CSMD1: variants seen among roughly 807,000 people sequenced by gnomAD.
The protein encoded by CSMD1 is CUB and sushi domain-containing protein 1.
In CSMD1, 213 loss-of-function variants were observed where a neutral mutation model predicts 417.5. The ratio of observed to expected loss-of-function variants is 0.51; its 90% CI spans 0.46 to 0.57. The LOEUF is 0.57. Ranked by LOEUF, CSMD1 falls within the 20% of genes least tolerant of loss-of-function variation. CSMD1 has a pLI of 0.00. For synonymous variants in CSMD1, 2,862 were observed against 1,736.8 expected, an observed-to-expected ratio of 1.65 and a Z score of -16.11; for missense variants, 6,923 against 4,529.7, an observed-to-expected ratio of 1.53 and a Z score of -15.17.
intron 7 of CSMD1, among the ~76,000 whole-genome samples, chr8:3,678,753 A>C (rs1192592267): frequency 2.0e-5 from 3 of 152,192 alleles, no homozygotes; most frequent in Admixed American, 6.5e-5. Context: ...ACCAAAGCTG[A>C]AATGAAGGAA....
intron 1 of CSMD1, among the ~76,000 whole-genome samples, chr8:4,906,183 T>C (rs1185066982): frequency 6.6e-6 from 1 of 152,148 alleles, no homozygotes; most frequent in Non-Finnish European, 1.5e-5. Context: ...AACCCTTGAG[T>C]CTAGAAAATC....
chr8:3,081,912 C>T (rs183227386), intron 49 of CSMD1, among the ~76,000 whole-genome samples: 3 of 152,238 alleles, frequency 2.0e-5, no homozygotes, highest in Non-Finnish European at 2.9e-5. Flanking sequence ...CAGCTTGCCC[C>T]GTGGACCTGA....
intron 7 of CSMD1, among the ~76,000 whole-genome samples, chr8:3,694,512 T>C (rs1800441035): frequency 1.3e-5 from 2 of 151,848 alleles, no homozygotes; most frequent in Admixed American, 1.3e-4. Context: ...ATAGAGACAG[T>C]CTTTAAGATC....
chr8:3,776,043 G>T (rs1282501308), intron 5 of CSMD1, among the ~76,000 whole-genome samples: 2 of 152,124 alleles, frequency 1.3e-5, no homozygotes, highest in Non-Finnish European at 2.9e-5. Flanking sequence ...ATGTGCTGGA[G>T]CCACCTCAGA....
At chr8:4,131,300 C>T (rs1803088049) in intron 3 of CSMD1, among the ~76,000 whole-genome samples, 1 of 152,142 alleles carries the variant, frequency 6.6e-6, no homozygotes, top group Admixed American at 6.5e-5. Context: ...CTACACAGAG[C>T]TTCCTGTAAT....
chr8:4,154,688 T>A (rs1312284859), intron 3 of CSMD1, among the ~76,000 whole-genome samples: 4 of 152,192 alleles, frequency 2.6e-5, no homozygotes, highest in South Asian at 2.1e-4. Context: ...GAATTCTCAT[T>A]AAAAACGTAC....
chr8:3,406,183 T>A lies in CSMD1; in HGVS notation c.2110A>T (p.Ile704Leu). 6.2e-7 allele frequency: 1 copy of A among 1,611,886 alleles called. No homozygotes were observed. Among genetic ancestry groups the A allele is most frequent in the Non-Finnish European group, 8.5e-7 (1 of 1,178,922 alleles). The change falls in exon 15 of 70, where the codon ATA (isoleucine) becomes TTA (leucine). Residue 704 changes from isoleucine (I) to leucine (L), a missense_variant. Coordinates refer to ENST00000635120, the MANE Select transcript of CSMD1 (RefSeq NM_033225.6). ...CTGTCACCAAAACGTCGTCCGTTTA[T>A]AGGAATGCCAGGATCATGGCACTCA... ...QNECHDPGIP[I>L]NGRRFGDRFL...
At chr8:4,761,890 C>CCTATCTAT (rs1167184252) in intron 1 of CSMD1, among the ~76,000 whole-genome samples, 4 of 93,656 alleles carry the variant, frequency 4.3e-5, no homozygotes, top group East Asian at 4.3e-4. Context: ...TATCTATCTA[C>CCTATCTAT]CTACCTATCT....
intron 1 of CSMD1, among the ~76,000 whole-genome samples, chr8:4,676,707 A>G (rs895425708): frequency 6.6e-6 from 1 of 152,044 alleles, no homozygotes; most frequent in Non-Finnish European, 1.5e-5. Flanking sequence ...GTCACGTCAT[A>G]GTTTGTGTTT....
intron 68 of CSMD1, among the ~76,000 whole-genome samples, chr8:2,948,367 A>G (rs1399986391): frequency 1.3e-5 from 2 of 152,056 alleles, no homozygotes; most frequent in Admixed American, 6.6e-5. Context: ...CAGACGAGGT[A>G]GCATTCAGAT....
chr8:3,867,178 G>A (rs1805161912), intron 5 of CSMD1, among the ~76,000 whole-genome samples: 1 of 151,902 alleles, frequency 6.6e-6, no homozygotes, highest in South Asian at 2.1e-4. Context: ...CTGGTCTTTG[G>A]TCTTGTCAAT....
chr8:3,292,816 G>A (rs1803678233), intron 25 of CSMD1, among the ~76,000 whole-genome samples: 1 of 151,930 alleles, frequency 6.6e-6, no homozygotes, highest in African/African-American at 2.4e-5. Context: ...GGAGCATTTA[G>A]CCCATTTACA....
intron 3 of CSMD1, among the ~76,000 whole-genome samples, chr8:4,052,332 A>C (rs536821271): frequency 9.2e-5 from 14 of 152,246 alleles, no homozygotes; most frequent in Non-Finnish European, 1.5e-5. Context: ...TATCATATGC[A>C]CAAGGAGTAT....
At chr8:4,298,370 T>A (rs2128871640) in intron 3 of CSMD1, among the ~76,000 whole-genome samples, 1 of 152,128 alleles carries the variant, frequency 6.6e-6, no homozygotes, top group East Asian at 1.9e-4. Context: ...TAATAGTTTT[T>A]ATTTACTGTA....
At chr8:3,417,254 G>A (rs1479214359) in intron 12 of CSMD1, among the ~76,000 whole-genome samples, 1 of 152,120 alleles carries the variant, frequency 6.6e-6, no homozygotes, top group African/African-American at 2.4e-5. Flanking sequence ...ATTCCATACG[G>A]TTTGCTACTG....
chr8:4,031,863 C>T (rs780927001), intron 4 of CSMD1, 42 bp downstream of exon 4: 3 of 1,456,344 alleles, frequency 2.1e-6, no homozygotes, highest in Non-Finnish European at 1.8e-6. Context: ...AACCATTGCC[C>T]TGCCCTGGAG....
chr8:4,399,737 T>C (rs1039981783), intron 3 of CSMD1, among the ~76,000 whole-genome samples: 2 of 152,208 alleles, frequency 1.3e-5, no homozygotes, highest in African/African-American at 2.4e-5. Flanking sequence ...ATGAAGACTT[T>C]TGTTTTATAC....
At chr8:3,772,576 TAC>T (rs1798669182) in intron 5 of CSMD1, among the ~76,000 whole-genome samples, 1 of 137,396 alleles carries the variant, frequency 7.3e-6, no homozygotes, top group East Asian at 2.2e-4. Context: ...TATACATATA[TAC>T]ACATATATTT....
chr8:3,861,820 G>C lies in CSMD1; in HGVS notation c.819-107778C>G, dbSNP rs79217178. On this transcript the variant is annotated intron_variant, in intron 5 of 69. Transcript: ENST00000635120. ...TATCTTTCTAAGTGTGCCGATTACA[G>C]ATGTGACCTATGAAGCCACTGGCTT... 7.4e-3 allele frequency among the ~76,000 whole-genome samples: 1,123 copies of C among 152,296 alleles called. 13 individuals carry two copies. The highest frequency in any genetic ancestry group is 0.024 in the African/African-American group (990 of 41,564).
Sources: allele counts gnomAD v4.1 joint callset (sites outside exome capture counted in the v4.1 genomes callset), GRCh38; gene constraint gnomAD v4.1.1; transcripts MANE v1.5; gene names NCBI Gene and HGNC (gene_info 2026-07-23, HGNC 2026-07-21).